KDM5A: variants seen among roughly 807,000 people sequenced by gnomAD.
The protein encoded by KDM5A is lysine-specific demethylase 5A.
Under a neutral mutation model 193.5 loss-of-function variants are expected in KDM5A, and 42 were observed. The observed-to-expected ratio is 0.22, with a 90% CI of 0.17 to 0.28. KDM5A has a LOEUF of 0.28. Among genes scored for constraint, KDM5A ranks in the 10% least tolerant of loss-of-function variants. The probability of loss-of-function intolerance (pLI) is 1.00; values close to 1 mark genes in which losing one functional copy is unlikely to be tolerated. For synonymous variants in KDM5A, 796 were observed against 718.1 expected, an observed-to-expected ratio of 1.11 and a Z score of -1.73; for missense variants, 1,692 against 2,055.1, an observed-to-expected ratio of 0.82 and a Z score of 3.42.
In KDM5A at chr12:280,863, T is replaced by C. The variant is rs575371705; in HGVS notation, c.*4593A>G. The C allele has an allele frequency of 2.1e-4, 48 of 232,858 alleles. No homozygotes were observed. Among genetic ancestry groups the C allele is most frequent in the Non-Finnish European group, 3.0e-4 (35 of 117,860 alleles). The allele number at this position is 232,858 out of a possible 1,614,324, so 14.4% of individuals were successfully genotyped here. A position where few individuals can be genotyped will look rare whatever the true frequency, so the allele number is the denominator to read the frequency against. ...AAAACACTATTCTCAGCAATGATAATAGGCTAATCACACCACTGATCAAAT... is the reference window on the plus strand; with the variant it reads ...AAAACACTATTCTCAGCAATGATAACAGGCTAATCACACCACTGATCAAAT... On this transcript the variant is annotated 3_prime_UTR_variant, in exon 28 of 28. Transcript: ENST00000399788.
intron 10 of KDM5A, among the ~76,000 whole-genome samples, chr12:334,794 T>A (rs1457523290): frequency 6.6e-6 from 1 of 152,100 alleles, no homozygotes. Context: ...ATTGATAGAA[T>A]GGTGCTAGAT....
chr12:334,731 ACTATTT>A (rs1233016227), intron 10 of KDM5A, among the ~76,000 whole-genome samples: 1 of 152,200 alleles, frequency 6.6e-6, no homozygotes, highest in East Asian at 1.9e-4. Context: ...ATACAACATC[ACTATTT>A]CTATTTTATA....
At position 297,046 on chromosome 12, in the gene KDM5A, G is replaced by C; in HGVS notation, c.4229C>G (p.Ser1410Cys). 1 of 1,613,754 alleles carries C rather than the reference G, an allele frequency of 6.2e-7. No homozygotes were observed. The highest frequency in any genetic ancestry group is 1.7e-5 in the Admixed American group (1 of 60,014). ...HAYSSASKSC[S>C]QGSSTPRKQP... is the part of the protein sequence containing the mutation. ...GTTTTTTAAAGGAGTAATACCTTGA[G>C]AACAACTCTTAGAAGCAGAAGAATA... The change falls in exon 25 of 28, where the codon TCT becomes TGT. Residue 1410 changes from serine (S) to cysteine (C), a missense_variant. Coordinates refer to ENST00000399788, the MANE Select transcript of KDM5A (RefSeq NM_001042603.3).
intron 3 of KDM5A, among the ~76,000 whole-genome samples, chr12:373,857 C>T: frequency 6.6e-6 from 1 of 152,176 alleles, no homozygotes; most frequent in Non-Finnish European, 1.5e-5. Flanking sequence ...CATTCAGGAG[C>T]AGGTTGTTCA....
At chr12:291,182 C>A (rs565533016) in intron 27 of KDM5A, among the ~76,000 whole-genome samples, 7 of 151,936 alleles carry the variant, frequency 4.6e-5, no homozygotes, top group African/African-American at 1.7e-4. Context: ...AACAGTCTGA[C>A]AATGATATAA....
chr12:352,021 T>C (rs749053160), intron 9 of KDM5A, among the ~76,000 whole-genome samples, 184 bp downstream of exon 9: 1 of 143,242 alleles, frequency 7.0e-6, no homozygotes, highest in South Asian at 2.2e-4. Flanking sequence ...GGAGAATTAC[T>C]TGAACCTGGG....
chr12:307,410 A>G lies in KDM5A; in HGVS notation c.3930+44T>C. On this transcript the variant is annotated intron_variant, in intron 23 of 27. Coordinates refer to ENST00000399788, the MANE Select transcript of KDM5A (RefSeq NM_001042603.3). This position sits in a 1 kb window ranked among gnomAD's most constrained non-coding sequence, Gnocchi z 4.3. ...GACTCAATTTACTATTTATACACTG[A>G]CATATCCCATGAAATAGAAAAAGAA... is the stretch of plus-strand genomic sequence containing the variant. The G allele has an allele frequency of 1.9e-6, 3 of 1,568,988 alleles. No homozygotes were observed. Among genetic ancestry groups the G allele is most frequent in the Non-Finnish European group, 2.6e-6 (3 of 1,140,830 alleles).
chr12:314,561 A>C (rs1943627342), intron 19 of KDM5A, among the ~76,000 whole-genome samples: 1 of 152,186 alleles, frequency 6.6e-6, no homozygotes, highest in South Asian at 2.1e-4. Context: ...GGTAAGTGTA[A>C]TGATAAATGA....
intron 10 of KDM5A, among the ~76,000 whole-genome samples, chr12:340,860 CTAA>C (rs1943995891): frequency 6.6e-6 from 1 of 152,112 alleles, no homozygotes; most frequent in South Asian, 2.1e-4. Context: ...GACCATCCAT[CTAA>C]TAATCACTAT....
In KDM5A at chr12:362,952, G is replaced by A. The variant is rs970214365; in HGVS notation, c.672+11C>T. 2.5e-6 allele frequency: 4 copies of A among 1,613,544 alleles called. No individual in the cohort carries two copies. Among genetic ancestry groups the A allele is most frequent in the Non-Finnish European group, 2.5e-6 (3 of 1,179,600 alleles). On this transcript the variant is annotated intron_variant, in intron 5 of 27. Transcript: ENST00000399788. ...TATTTAAAAATTTAAAAAAGCCCAA[G>A]ACATTGATACCTGAGTCTTCACACG...
chr12:297,237 GTCATTTA>G, intron 24 of KDM5A, 37 bp from the exon 25 acceptor site: 1 of 1,605,414 alleles, frequency 6.2e-7, no homozygotes, highest in Non-Finnish European at 8.5e-7. Context: ...CAGAATTAGA[GTCATTTA>G]ACTTATTTTA....
chr12:387,090 C>T (rs1479774840), intron 1 of KDM5A, among the ~76,000 whole-genome samples: 2 of 152,058 alleles, frequency 1.3e-5, no homozygotes, highest in African/African-American at 4.8e-5. Context: ...TCAAAAAACA[C>T]GCAGAACAAG....
At chr12:296,953 G>A (rs748888616) in intron 25 of KDM5A, 88 bp downstream of exon 25, 44 of 1,349,394 alleles carry the variant, frequency 3.3e-5, no homozygotes, top group Non-Finnish European at 4.3e-5. Context: ...TACTCCACTC[G>A]AAATGGAGTC....
chr12:384,760 T>C (rs1267835710), intron 2 of KDM5A, among the ~76,000 whole-genome samples: 1 of 152,218 alleles, frequency 6.6e-6, no homozygotes, highest in African/African-American at 2.4e-5. Context: ...ATTCAGTAGA[T>C]CGGATTCTCT....
chr12:346,157 G>GA (rs1282560036), intron 10 of KDM5A, among the ~76,000 whole-genome samples: 1 of 152,122 alleles, frequency 6.6e-6, no homozygotes, highest in African/African-American at 2.4e-5. Context: ...AAATAAACTA[G>GA]AAAATCTAGA....
Position 355,155 on chromosome 12 carries a change from T to C in KDM5A, c.870+3A>G. On this transcript the variant is annotated splice_donor_region_variant and intron_variant, in intron 7 of 27. Coordinates refer to ENST00000399788, the MANE Select transcript of KDM5A (RefSeq NM_001042603.3). ...CCCTCCTGACAGACCCCAAAACACT[T>C]ACAAAGTTAACAGAGAGAGTGCCTT... 2 of 1,570,950 alleles carry C rather than the reference T, an allele frequency of 1.3e-6. No individual in the cohort carries two copies. The highest frequency in any genetic ancestry group is 1.8e-6 in the Non-Finnish European group (2 of 1,140,634).
chr12:336,539 G>T (rs766540914), intron 10 of KDM5A, among the ~76,000 whole-genome samples: 5 of 152,066 alleles, frequency 3.3e-5, no homozygotes, highest in Non-Finnish European at 5.9e-5. Flanking sequence ...TGGTCAGCTG[G>T]CTGGCTGAAA....
rs941949963 is a variant in KDM5A at position 363,788 on chromosome 12, A to C, written c.538-691T>G. ...AAAAGAAATAAAAAAATGGTTCTTCAAAAAGTGACCAGTACAAAAATGAAA... is the reference window on the plus strand; with the variant it reads ...AAAAGAAATAAAAAAATGGTTCTTCCAAAAGTGACCAGTACAAAAATGAAA... On this transcript the variant is annotated intron_variant, in intron 4 of 27. Transcript: ENST00000399788. Among the ~76,000 whole-genome samples the C allele has an allele frequency of 3.3e-5, 5 of 152,306 alleles. No individual in the cohort carries two copies. The South Asian group carries it at 1.0e-3, about 32-fold the overall frequency.
At chr12:369,730 A>C (rs913942143) in intron 3 of KDM5A, among the ~76,000 whole-genome samples, 1 of 152,208 alleles carries the variant, frequency 6.6e-6, no homozygotes, top group African/African-American at 2.4e-5. Flanking sequence ...GTGTGGCTAA[A>C]GCAAAGTGAA....
Sources: gnomAD v4.1 joint callset for allele counts (sites outside exome capture counted in the v4.1 genomes callset) on GRCh38, gnomAD v4.1.1 for gene constraint, Gnocchi (gnomAD v3.1) non-coding constraint, MANE v1.5 for transcripts, NCBI Gene and HGNC (gene_info 2026-07-23, HGNC 2026-07-21) for gene names.